The following LGMN variants were observed in gnomAD, a reference collection of about 807,000 sequenced individuals.
LGMN encodes the protein legumain, also known as asparaginyl endopeptidase.
Under a neutral mutation model 56.8 loss-of-function variants are expected in LGMN, and 36 were observed. That is an observed-to-expected ratio of 0.63 (90% CI 0.49 to 0.84). The LOEUF is 0.84. Ranked by LOEUF, LGMN falls within the 40% of genes least tolerant of loss-of-function variation. The pLI is 0.00. For synonymous variants in LGMN, 199 were observed against 210.1 expected, an observed-to-expected ratio of 0.95 and a Z score of 0.46; for missense variants, 446 against 556.1, an observed-to-expected ratio of 0.80 and a Z score of 1.99.
chr14:92,723,736 C>T (rs28533172), intron 2 of LGMN, among the ~76,000 whole-genome samples: 66,115 of 151,602 alleles, frequency 0.44, 14,509 homozygotes, highest in South Asian at 0.51. Context: ...TATGCCCAAA[C>T]AACTTTTTTT....
At chr14:92,722,941 T>C (rs1030578655) in intron 2 of LGMN, among the ~76,000 whole-genome samples, 4 of 152,184 alleles carry the variant, frequency 2.6e-5, no homozygotes, top group African/African-American at 9.7e-5. Flanking sequence ...AGAGCCTCCA[T>C]ACATACACTG....
At chr14:92,709,410 G>A (rs1034056907) in intron 11 of LGMN, among the ~76,000 whole-genome samples, 3 of 152,200 alleles carry the variant, frequency 2.0e-5, no homozygotes, top group Non-Finnish European at 4.4e-5. Flanking sequence ...CATGTACATG[G>A]CTTCTTGGTA....
intron 1 of LGMN, among the ~76,000 whole-genome samples, chr14:92,733,452 T>C (rs1891154821): frequency 6.6e-6 from 1 of 152,102 alleles, no homozygotes; most frequent in Non-Finnish European, 1.5e-5. Flanking sequence ...TCAACAAAAT[T>C]CACTATTGGA....
intron 7 of LGMN, 45 bp downstream of exon 7, chr14:92,713,778 C>G: frequency 7.0e-7 from 1 of 1,425,642 alleles, no homozygotes; most frequent in South Asian, 1.1e-5. Context: ...CACGGCTTTC[C>G]TCACACCCCC....
intron 2 of LGMN, among the ~76,000 whole-genome samples, chr14:92,719,284 G>GCCACCGCCACCTCCACCACCGCCA: frequency 3.7e-5 from 1 of 26,780 alleles, no homozygotes; most frequent in Admixed American, 3.9e-4. Context: ...CGCCACCGCC[G>GCCACCGCCACCTCCACCACCGCCA]CCGCCGCCGC....
Position 92,714,352 on chromosome 14 carries a change from C to T in LGMN, c.480+24G>A. 1.3e-6 allele frequency: 2 copies of T among 1,499,838 alleles called. No homozygotes were observed. The highest frequency in any genetic ancestry group is 1.1e-5 in the South Asian group (1 of 88,340). 92.9% of individuals were successfully genotyped at this position (1,499,838 alleles called of 1,614,324 possible). ...TTGCTTTTCTGTTCTGCTAGTTTGTCCTTAAAACGTTAAGAAAACTCACAT... is the reference window on the plus strand; with the variant it reads ...TTGCTTTTCTGTTCTGCTAGTTTGTTCTTAAAACGTTAAGAAAACTCACAT... On this transcript the variant is annotated intron_variant, in intron 6 of 13. Transcript: ENST00000334869. The surrounding 1 kb of genome is among the most constrained non-coding windows in gnomAD (Gnocchi z 5.1).
intron 2 of LGMN, among the ~76,000 whole-genome samples, chr14:92,719,245 GCCACCACCA>G (rs1302998421): frequency 3.3e-3 from 76 of 22,874 alleles, no homozygotes; most frequent in East Asian, 0.017. Context: ...CGCCACCACC[GCCACCACCA>G]CCACCGCCAC....
chr14:92,714,976 A>C lies in LGMN; in HGVS notation c.405-525T>G, dbSNP rs1889993106. On this transcript the variant is annotated intron_variant, in intron 5 of 13. Coordinates refer to ENST00000334869, the MANE Select transcript of LGMN (RefSeq NM_005606.7). This position sits in a 1 kb window ranked among gnomAD's most constrained non-coding sequence, Gnocchi z 5.1. Reference sequence around the variant, plus strand: ...AAGCCAATTTGGTTCACCCTCACAGATGTCCATCTCCATACTAATTTTTTT... The same window carrying C: ...AAGCCAATTTGGTTCACCCTCACAGCTGTCCATCTCCATACTAATTTTTTT... Among the ~76,000 whole-genome samples the C allele has an allele frequency of 1.3e-5, 2 of 150,052 alleles. No homozygotes were observed. The highest frequency in any genetic ancestry group is 6.6e-5 in the Admixed American group (1 of 15,044).
At chr14:92,717,750 T>A (rs948745263) in intron 3 of LGMN, among the ~76,000 whole-genome samples, 1 of 152,088 alleles carries the variant, frequency 6.6e-6, no homozygotes. Flanking sequence ...CCAGAGAGCA[T>A]CGTGAGGGCA....
intron 4 of LGMN, among the ~76,000 whole-genome samples, chr14:92,716,997 TC>T (rs1890105967): frequency 6.6e-6 from 1 of 152,120 alleles, no homozygotes; most frequent in South Asian, 2.1e-4. Context: ...AAAAACTATC[TC>T]AGCAAAAATC....
At chr14:92,733,757 A>C (rs1204829323) in intron 1 of LGMN, 1 of 152,222 alleles carries the variant, frequency 6.6e-6, no homozygotes, top group African/African-American at 2.4e-5. Flanking sequence ...CAGTGAGCCA[A>C]GATCAGGCCA....
intron 11 of LGMN, 95 bp from the exon 12 acceptor site, chr14:92,706,748 C>T: frequency 8.6e-7 from 1 of 1,168,350 alleles, no homozygotes; most frequent in Non-Finnish European, 1.1e-6. Flanking sequence ...GGCTACTCTC[C>T]ACACAGCCCT....
chr14:92,703,931 T>C lies in LGMN; in HGVS notation c.*388A>G. ...TTTCCATTTGGGGCTTGCGGCCCTC[T>C]TCAATAAAATCATTCTGAAGATTTA... On this transcript the variant is annotated 3_prime_UTR_variant, in exon 14 of 14. Transcript: ENST00000334869. The C allele has an allele frequency of 1.8e-6, 1 of 546,248 alleles. No homozygotes were observed. 33.8% of individuals were successfully genotyped at this position (546,248 alleles called of 1,614,324 possible).
At chr14:92,719,238 CA>C (rs1890271416) in intron 2 of LGMN, among the ~76,000 whole-genome samples, 1 of 19,316 alleles carries the variant, frequency 5.2e-5, no homozygotes, top group Non-Finnish European at 8.4e-5. Flanking sequence ...CCGCCACCGC[CA>C]CCACCGCCAC....
chr14:92,743,456 T>C (rs1048603569), intron 1 of LGMN, among the ~76,000 whole-genome samples: 8 of 150,866 alleles, frequency 5.3e-5, no homozygotes, highest in African/African-American at 2.0e-4. Flanking sequence ...TGAGCCAGGA[T>C]TGCCCCACTG....
At chr14:92,744,829 G>T (rs1023652596) in intron 1 of LGMN, among the ~76,000 whole-genome samples, 25 of 152,072 alleles carry the variant, frequency 1.6e-4, no homozygotes, top group African/African-American at 5.8e-4. Flanking sequence ...CCTGACCTCA[G>T]GTGATCCGCC....
chr14:92,719,169 C>CGCCACT (rs1890240344), intron 2 of LGMN, among the ~76,000 whole-genome samples: 1 of 145,516 alleles, frequency 6.9e-6, no homozygotes, highest in Non-Finnish European at 1.5e-5. Context: ...CCACCACCAC[C>CGCCACT]ACCACCACCA....
At chr14:92,709,327 A>G (rs769681435) in intron 11 of LGMN, among the ~76,000 whole-genome samples, 69 of 152,224 alleles carry the variant, frequency 4.5e-4, no homozygotes, top group Non-Finnish European at 2.8e-4. Context: ...AATGAATATG[A>G]TTAGCTAATA....
At chr14:92,719,128 A>ACCACCG (rs1265597892) in intron 2 of LGMN, among the ~76,000 whole-genome samples, 7 of 148,618 alleles carry the variant, frequency 4.7e-5, no homozygotes, top group Non-Finnish European at 9.0e-5. Context: ...CACCACCACA[A>ACCACCG]CCACCGCCAC....
Sources: allele counts gnomAD v4.1 joint callset (sites outside exome capture counted in the v4.1 genomes callset), GRCh38; gene constraint gnomAD v4.1.1; non-coding constraint Gnocchi (gnomAD v3.1); transcripts MANE v1.5; gene names NCBI Gene and HGNC (gene_info 2026-07-23, HGNC 2026-07-21).